The following OTUD7A variants were observed in gnomAD, a reference collection of about 807,000 sequenced individuals.
The protein encoded by OTUD7A is OTU deubiquitinase 7A, also known as OTU domain-containing protein 7A.
In OTUD7A, 12 loss-of-function variants were observed where a neutral mutation model predicts 65.7. The observed-to-expected ratio is 0.18, with a 90% CI of 0.12 to 0.30. The LOEUF (loss-of-function observed/expected upper bound fraction) is 0.30, where lower values mean the gene tolerates loss of function less well. Ranked by LOEUF, OTUD7A falls within the 10% of genes least tolerant of loss-of-function variation. The pLI, the probability that OTUD7A is intolerant of heterozygous loss-of-function variation, is 1.00. For missense variants in OTUD7A, 1,148 were observed against 1,304.8 expected (o/e 0.88, Z 1.85); for synonymous variants, 641 against 586.3 (o/e 1.09, Z -1.35).
At chr15:31,713,126 T>G (rs114841954) in intron 1 of OTUD7A, among the ~76,000 whole-genome samples, 2,144 of 152,310 alleles carry the variant, frequency 0.014, 60 homozygotes, top group African/African-American at 0.05. Context: ...ACAGTAAATG[T>G]GCTGAGTCCA....
chr15:31,821,130 TTTC>T (rs1380907033), intron 1 of OTUD7A, among the ~76,000 whole-genome samples: 1 of 138,980 alleles, frequency 7.2e-6, no homozygotes, highest in Admixed American at 7.3e-5. Context: ...CAGTTTTTCA[TTTC>T]TTTTTTTTTT....
chr15:31,487,310 T>A lies in OTUD7A; in HGVS notation c.1287-32A>T. ...AGAGAAGAATATCCTATTGAAATGG[T>A]CTGAGCTGGCCCTTATAGCACCCAG... On this transcript the variant is annotated intron_variant, in intron 11 of 12. Transcript: ENST00000307050. This position sits in a 1 kb window ranked among gnomAD's most constrained non-coding sequence, Gnocchi z 6.0. 6.2e-7 allele frequency: 1 copy of A among 1,610,884 alleles called. No homozygotes were observed. The highest frequency in any genetic ancestry group is 8.5e-7 in the Non-Finnish European group (1 of 1,177,420).
chr15:31,747,133 A>C (rs1393121068), intron 1 of OTUD7A, among the ~76,000 whole-genome samples: 1 of 152,178 alleles, frequency 6.6e-6, no homozygotes, highest in East Asian at 1.9e-4. Context: ...CAAATGAGTA[A>C]ATATATTAAG....
chr15:31,697,722 C>A (rs757431731), intron 1 of OTUD7A, among the ~76,000 whole-genome samples: 2 of 152,242 alleles, frequency 1.3e-5, no homozygotes, highest in Non-Finnish European at 2.9e-5. Context: ...AGCATGCACA[C>A]CTGCTTAAAG....
At position 31,527,317 on chromosome 15, in the gene OTUD7A, A is replaced by G. The variant is rs2042028612; in HGVS notation, c.653-9T>C. The G allele has an allele frequency of 6.2e-7, 1 of 1,613,658 alleles. No homozygotes were observed. On this transcript the variant is annotated splice_polypyrimidine_tract_variant and intron_variant, in intron 6 of 12. Coordinates refer to ENST00000307050, the MANE Select transcript of OTUD7A (RefSeq NM_001382637.1). ...GTGAAACCCCCACATTCCTGGAGCC[A>G]GGAGGCCAGGGAGAACAGAGGAGAG...
intron 1 of OTUD7A, among the ~76,000 whole-genome samples, chr15:31,679,694 A>G (rs896768748): frequency 6.6e-6 from 1 of 152,208 alleles, no homozygotes; most frequent in Non-Finnish European, 1.5e-5. Context: ...AGGACTCCTC[A>G]GCCATGCTGA....
intron 3 of OTUD7A, among the ~76,000 whole-genome samples, chr15:31,597,387 G>A (rs1889937117): frequency 6.6e-6 from 1 of 151,890 alleles, no homozygotes; most frequent in Non-Finnish European, 1.5e-5. Flanking sequence ...TCTTCTAGAA[G>A]CTTTTTAGGT....
intron 1 of OTUD7A, among the ~76,000 whole-genome samples, chr15:31,853,830 TC>T (rs555584062): frequency 5.9e-5 from 9 of 152,192 alleles, no homozygotes; most frequent in African/African-American, 2.2e-4. Flanking sequence ...TCCTTCTTCT[TC>T]AACAAAGACC....
chr15:31,631,449 G>T (rs1463348546), intron 3 of OTUD7A, among the ~76,000 whole-genome samples: 1 of 152,170 alleles, frequency 6.6e-6, no homozygotes, highest in Admixed American at 6.5e-5. Flanking sequence ...AGTTTCTGCC[G>T]TGAGATCAGC....
intron 1 of OTUD7A, among the ~76,000 whole-genome samples, chr15:31,797,075 G>T (rs530394087): frequency 3.9e-5 from 6 of 152,136 alleles, no homozygotes; most frequent in Non-Finnish European, 8.8e-5. Flanking sequence ...GGGGGTGCGG[G>T]GGGAAGCAAA....
intron 1 of OTUD7A, among the ~76,000 whole-genome samples, chr15:31,680,877 G>A (rs1356022296): frequency 1.3e-5 from 2 of 151,274 alleles, no homozygotes; most frequent in South Asian, 2.1e-4. Context: ...TTGAGGTTTT[G>A]CCATTCTCTT....
chr15:31,680,872 G>T (rs931194289), intron 1 of OTUD7A, among the ~76,000 whole-genome samples: 21 of 151,028 alleles, frequency 1.4e-4, no homozygotes, highest in African/African-American at 4.9e-4. Flanking sequence ...TTGAGTTGAG[G>T]TTTTGCCATT....
At chr15:31,629,347 T>A (rs1384335879) in intron 3 of OTUD7A, among the ~76,000 whole-genome samples, 3 of 152,246 alleles carry the variant, frequency 2.0e-5, no homozygotes, top group South Asian at 4.1e-4. Context: ...TCCATTGAGA[T>A]AATCATGTGG....
Position 31,481,290 on chromosome 15 carries a change from G to A in OTUD7A, c.*2004C>T, listed in dbSNP as rs2041115207. 1.3e-5 allele frequency: 2 copies of A among 152,200 alleles called. No homozygotes were observed. Among genetic ancestry groups the A allele is most frequent in the Non-Finnish European group, 2.9e-5 (2 of 68,042 alleles). The allele number at this position is 152,200 out of a possible 1,614,324, so 9.4% of individuals were successfully genotyped here. ...AAGGTTGGGTGTCTCAATCTTTTAA[G>A]AGTGACGAGCATGAGGAGTGGCTGG... On this transcript the variant is annotated 3_prime_UTR_variant, in exon 13 of 13. Transcript: ENST00000307050.
At chr15:31,654,539 T>C (rs1891930830) in intron 3 of OTUD7A, among the ~76,000 whole-genome samples, 1 of 152,156 alleles carries the variant, frequency 6.6e-6, no homozygotes. Context: ...CCTGAGAAGT[T>C]GTAACTGGTC....
chr15:31,836,873 A>G (rs1312276626), intron 1 of OTUD7A, among the ~76,000 whole-genome samples: 1 of 152,224 alleles, frequency 6.6e-6, no homozygotes, highest in Non-Finnish European at 1.5e-5. Context: ...AAAAACAGAT[A>G]GCTATATCAT....
chr15:31,505,955 G>A (rs2041556542), intron 8 of OTUD7A, among the ~76,000 whole-genome samples: 1 of 151,940 alleles, frequency 6.6e-6, no homozygotes, highest in Admixed American at 6.6e-5. Flanking sequence ...AGCCAGGATG[G>A]TCTTGATCTC....
At chr15:31,835,230 G>A (rs1330477093) in intron 1 of OTUD7A, among the ~76,000 whole-genome samples, 24 of 152,204 alleles carry the variant, frequency 1.6e-4, no homozygotes, top group Admixed American at 1.6e-3. Flanking sequence ...AGATAAAACA[G>A]GATGTCCAAT....
chr15:31,509,070 CATTA>C lies in OTUD7A; in HGVS notation c.894-5256_894-5253del, dbSNP rs555696061. On this transcript the variant is annotated intron_variant, in intron 8 of 12. Transcript: ENST00000307050. Reference sequence around the variant, plus strand: ...CTTTATTTTAATAAAATTTTGAAGACATTATTTACTTTTAATGTCTGACTATAAG... The same window carrying C: ...CTTTATTTTAATAAAATTTTGAAGACTTTACTTTTAATGTCTGACTATAAG... Among the ~76,000 whole-genome samples, 328 of 152,154 alleles carry C rather than the reference CATTA, an allele frequency of 2.2e-3. 1 individual carries two copies. Among genetic ancestry groups the C allele is most frequent in the African/African-American group, 7.4e-3 (309 of 41,534 alleles).
Sources: gnomAD v4.1 joint callset for allele counts (sites outside exome capture counted in the v4.1 genomes callset) on GRCh38, gnomAD v4.1.1 for gene constraint, Gnocchi (gnomAD v3.1) non-coding constraint, MANE v1.5 for transcripts, NCBI Gene and HGNC (gene_info 2026-07-23, HGNC 2026-07-21) for gene names.